Variants in FLACC1 observed in about 807,000 individuals in gnomAD.
The protein encoded by FLACC1 is flagellum-associated coiled-coil domain-containing protein 1.
Under a neutral mutation model 62.8 loss-of-function variants are expected in FLACC1, and 66 were observed. The observed-to-expected ratio is 1.05, with a 90% CI of 0.86 to 1.29. The LOEUF (loss-of-function observed/expected upper bound fraction) is 1.29. Ranked by LOEUF, FLACC1 falls within the 50% of genes most tolerant of loss-of-function variation. FLACC1 has a pLI of 0.00. For missense variants in FLACC1, 452 were observed against 489.1 expected (o/e 0.92, Z 0.71); for synonymous variants, 156 against 161.0 (o/e 0.97, Z 0.24).
intron 12 of FLACC1, among the ~76,000 whole-genome samples, chr2:201,294,128 T>C (rs1022772966): frequency 1.2e-4 from 19 of 152,160 alleles, no homozygotes; most frequent in Non-Finnish European, 2.8e-4. Flanking sequence ...TTGAAACTAT[T>C]GCAATCAATA....
intron 12 of FLACC1, among the ~76,000 whole-genome samples, chr2:201,292,990 C>A (rs1949772804): frequency 1.3e-5 from 2 of 152,170 alleles, no homozygotes; most frequent in South Asian, 4.1e-4. Context: ...AATATATATG[C>A]ACCCAATACA....
Position 201,344,238 on chromosome 2 carries a change from C to CT in FLACC1, c.393dup (p.Glu132ArgfsTer11), listed in dbSNP as rs1348343175. 1 of 1,613,580 alleles carries CT rather than the reference C, an allele frequency of 6.2e-7. No individual in the cohort carries two copies. The highest frequency in any genetic ancestry group is 1.3e-5 in the African/African-American group (1 of 74,914). ...ATTGCTGTCAGCTCTGAGATTTGCT[C>CT]TTCTAGGTCAGAAATGATGTTGGTC... On this transcript the variant is annotated frameshift_variant, in exon 6 of 15. Transcript: ENST00000392257. LOFTEE classifies it high-confidence loss of function.
chr2:201,292,579 T>C (rs569912130), intron 12 of FLACC1, among the ~76,000 whole-genome samples: 3 of 152,242 alleles, frequency 2.0e-5, no homozygotes, highest in South Asian at 4.1e-4. Flanking sequence ...ACATGTCAAA[T>C]TGTAAAGACC....
chr2:201,303,838 A>T (rs950346238), intron 11 of FLACC1, among the ~76,000 whole-genome samples: 1 of 152,220 alleles, frequency 6.6e-6, no homozygotes, highest in Non-Finnish European at 1.5e-5. Flanking sequence ...CCACATGATT[A>T]TCTCAATAGA....
At chr2:201,350,976 G>C (rs1292766713) in intron 2 of FLACC1, among the ~76,000 whole-genome samples, 194 bp from the exon 3 acceptor site, 1 of 152,236 alleles carries the variant, frequency 6.6e-6, no homozygotes, top group African/African-American at 2.4e-5. Context: ...CCCAGGAAGA[G>C]TTTGTCCCCC....
Position 201,307,553 on chromosome 2 carries a change from C to A in FLACC1, c.845G>T (p.Ser282Ile). The change falls in exon 11 of 15, where the codon AGT becomes ATT. Residue 282 changes from serine (S) to isoleucine (I), a missense_variant. Coordinates refer to ENST00000392257, the MANE Select transcript of FLACC1 (RefSeq NM_001127391.3). ...EEDKKINESCSAVFENFIQEK... is the reference protein window; with the variant it reads ...EEDKKINESCIAVFENFIQEK... ...TTGAATGAAGTTCTCAAAGACAGCA[C>A]TGCAGGATTCATTTATTTTCTTATC... 1 of 1,614,226 alleles carries A rather than the reference C, an allele frequency of 6.2e-7. No homozygotes were observed. The highest frequency in any genetic ancestry group is 8.5e-7 in the Non-Finnish European group (1 of 1,180,020).
chr2:201,300,284 C>A (rs1949951076), intron 11 of FLACC1, among the ~76,000 whole-genome samples: 1 of 152,246 alleles, frequency 6.6e-6, no homozygotes, highest in Admixed American at 6.5e-5. Context: ...ATATCCCATG[C>A]ATGGCTGGGA....
intron 7 of FLACC1, among the ~76,000 whole-genome samples, chr2:201,337,592 T>C (rs749726959): frequency 1.3e-5 from 2 of 152,298 alleles, no homozygotes; most frequent in South Asian, 2.1e-4. Flanking sequence ...AGCATGATCA[T>C]AGCTCACTGC....
chr2:201,350,806 A>G, intron 2 of FLACC1, 24 bp from the exon 3 acceptor site: 1 of 1,592,900 alleles, frequency 6.3e-7, no homozygotes, highest in Non-Finnish European at 8.6e-7. Flanking sequence ...ACAAATAACT[A>G]AAACAAGAAC....
intron 9 of FLACC1, among the ~76,000 whole-genome samples, chr2:201,325,425 A>T (rs1477855607): frequency 6.6e-6 from 1 of 152,196 alleles, no homozygotes; most frequent in Non-Finnish European, 1.5e-5. Context: ...AGAAGAAAAG[A>T]TTAAACAAGT....
chr2:201,351,491 G>A, intron 1 of FLACC1, 40 bp from the exon 2 acceptor site: 1 of 983,450 alleles, frequency 1.0e-6, no homozygotes, highest in Non-Finnish European at 1.6e-6. Context: ...AAACCATTTA[G>A]AATCAAAGCA....
In FLACC1 at chr2:201,314,428, C is replaced by T. The variant is rs531913117; in HGVS notation, c.676-5178G>A. Among the ~76,000 whole-genome samples, 13 of 152,080 alleles carry T rather than the reference C, an allele frequency of 8.5e-5. No homozygotes were observed. In the South Asian group the frequency reaches 2.7e-3, roughly 32 times the overall value. ...CGTCTCAGCAATAGAATTGAGCAAG[C>T]ACAAGAAAGAACTCAGAGCCTGAAG... On this transcript the variant is annotated intron_variant, in intron 9 of 14. Transcript: ENST00000392257.
chr2:201,361,746 T>A (rs1001258035), upstream of FLACC1, among the ~76,000 whole-genome samples: 2 of 152,262 alleles, frequency 1.3e-5, no homozygotes, highest in African/African-American at 2.4e-5. Flanking sequence ...AATGTTTGAA[T>A]GTGATGTGAA....
intron 7 of FLACC1, among the ~76,000 whole-genome samples, chr2:201,339,152 C>A (rs1055645714): frequency 1.1e-4 from 17 of 151,996 alleles, no homozygotes; most frequent in African/African-American, 3.1e-4. Context: ...TAGATTTTAT[C>A]TTTTCAGGAA....
chr2:201,356,003 AC>A (rs1951110787), intron 1 of FLACC1, among the ~76,000 whole-genome samples: 1 of 152,068 alleles, frequency 6.6e-6, no homozygotes, highest in African/African-American at 2.4e-5. Flanking sequence ...GGGAGATCTC[AC>A]TCCCACCTCC....
upstream of FLACC1, among the ~76,000 whole-genome samples, chr2:201,360,097 C>T (rs1951172257): frequency 6.6e-6 from 1 of 152,196 alleles, no homozygotes. Context: ...CTCCTTTCAT[C>T]TTTTTGGACA....
rs773389218 is a variant in FLACC1 at position 201,288,774 on chromosome 2, T to A, written c.1150A>T (p.Ile384Leu). 6.2e-7 allele frequency: 1 copy of A among 1,613,374 alleles called. No homozygotes were observed. Among genetic ancestry groups the A allele is most frequent in the East Asian group, 2.2e-5 (1 of 44,892 alleles). Reference sequence around the variant, plus strand: ...CAAATTTCTTCATTCTTAGAAATTATCTTTTGCCTGTAAAAAGAAAGGAAA... The same window carrying A: ...CAAATTTCTTCATTCTTAGAAATTAACTTTTGCCTGTAAAAAGAAAGGAAA... ...TEENIHLKQK[I>L]ISKNEEICEG... The change falls in exon 15 of 15, where the codon ATA (isoleucine) becomes TTA (leucine). Residue 384 changes from isoleucine (I) to leucine (L), a missense_variant. Coordinates refer to ENST00000392257, the MANE Select transcript of FLACC1 (RefSeq NM_001127391.3).
At chr2:201,306,183 T>C (rs1415502841) in intron 11 of FLACC1, among the ~76,000 whole-genome samples, 2 of 151,816 alleles carry the variant, frequency 1.3e-5, no homozygotes, top group South Asian at 2.1e-4. Context: ...CTTACAATCA[T>C]GGCAGAAGGT....
intron 5 of FLACC1, among the ~76,000 whole-genome samples, chr2:201,345,006 T>C (rs1285026626): frequency 6.6e-6 from 1 of 152,186 alleles, no homozygotes; most frequent in Non-Finnish European, 1.5e-5. Flanking sequence ...GAAAGTTGAA[T>C]AATAGGGAGC....
Sources: allele counts gnomAD v4.1 joint callset (sites outside exome capture counted in the v4.1 genomes callset), GRCh38; gene constraint gnomAD v4.1.1; transcripts MANE v1.5; gene names NCBI Gene and HGNC (gene_info 2026-07-23, HGNC 2026-07-21).